VSTM2B: variants seen among roughly 807,000 people sequenced by gnomAD.
VSTM2B encodes the protein V-set and transmembrane domain-containing protein 2B.
VSTM2B carries 24 observed loss-of-function variants against 24.0 expected under a neutral mutation model. That is an observed-to-expected ratio of 1.00 (90% confidence interval 0.72 to 1.40). The LOEUF (loss-of-function observed/expected upper bound fraction) is 1.40. Ranked by LOEUF, VSTM2B falls within the 40% of genes most tolerant of loss-of-function variation. VSTM2B has a pLI of 0.00. For missense variants in VSTM2B, 399 were observed against 416.4 expected, an observed-to-expected ratio of 0.96 and a Z score of 0.36; for synonymous variants, 226 against 194.4, an observed-to-expected ratio of 1.16 and a Z score of -1.35.
intron 4 of VSTM2B, among the ~76,000 whole-genome samples, chr19:29,544,850 A>T (rs542251398): frequency 9.9e-5 from 15 of 152,190 alleles, no homozygotes; most frequent in Non-Finnish European, 2.1e-4. Context: ...ACCAGCTGGG[A>T]TGTCTAAGAA....
intron 4 of VSTM2B, among the ~76,000 whole-genome samples, chr19:29,561,658 A>G (rs1970529066): frequency 1.3e-5 from 2 of 152,056 alleles, no homozygotes; most frequent in Non-Finnish European, 2.9e-5. Context: ...GAGCCAGGAG[A>G]TCTGTGAGGC....
At chr19:29,561,370 T>C (rs1970520906) in intron 4 of VSTM2B, among the ~76,000 whole-genome samples, 1 of 152,048 alleles carries the variant, frequency 6.6e-6, no homozygotes, top group Non-Finnish European at 1.5e-5. Context: ...ACACCTGTAA[T>C]CCCAGCACTT....
intron 4 of VSTM2B, among the ~76,000 whole-genome samples, chr19:29,548,794 A>G (rs1269422558): frequency 6.6e-6 from 1 of 152,204 alleles, no homozygotes. Context: ...ACACAACTGC[A>G]TGGGGACAAA....
rs1012976313 is a variant in VSTM2B, at chr19:29,526,230, T to C, written c.-354T>C. On this transcript the variant is annotated 5_prime_UTR_variant, in exon 1 of 5. An upstream start codon of the reference 5' UTR is lost. Coordinates refer to ENST00000335523, the MANE Select transcript of VSTM2B (RefSeq NM_001146339.2). The surrounding 1 kb of genome is among the most constrained non-coding windows in gnomAD (Gnocchi z 4.1). ...TGGCACGCACTCCCTCGGCCAGGGA[T>C]GGGTCCCGGCGCGGCCCAGCCCCTG... Among the ~76,000 whole-genome samples, 2 of 151,716 alleles carry C rather than the reference T, an allele frequency of 1.3e-5. No individual in the cohort carries two copies. The highest frequency in any genetic ancestry group is 2.9e-5 in the Non-Finnish European group (2 of 67,856).
intron 4 of VSTM2B, among the ~76,000 whole-genome samples, chr19:29,546,673 C>CG (rs1330010465): frequency 1.3e-5 from 2 of 150,602 alleles, no homozygotes; most frequent in Non-Finnish European, 3.0e-5. Context: ...CTGGGGAGCC[C>CG]CCACCCCCAC....
intron 4 of VSTM2B, 49 bp from the exon 5 acceptor site, chr19:29,563,797 G>T: frequency 2.6e-6 from 4 of 1,513,832 alleles, no homozygotes; most frequent in Non-Finnish European, 3.6e-6. Flanking sequence ...GAGCTCCTAG[G>T]TTCTTGAGAC....
At position 29,534,880 on chromosome 19, in the gene VSTM2B, T is replaced by C. The variant is rs934205812; in HGVS notation, c.769+4590T>C. Among the ~76,000 whole-genome samples the C allele has an allele frequency of 2.0e-4, 31 of 152,186 alleles. 1 individual carries two copies. The highest frequency in any genetic ancestry group is 7.2e-4 in the African/African-American group (30 of 41,456). ...AGTCAGAAAAAAAGTCCCTATTTTT[T>C]AAGTGAGCCACTTTGGTAATGCCAC... On this transcript the variant is annotated intron_variant, in intron 4 of 4. Transcript: ENST00000335523.
At chr19:29,562,799 AC>A (rs1020774218) in intron 4 of VSTM2B, among the ~76,000 whole-genome samples, 1 of 152,100 alleles carries the variant, frequency 6.6e-6, no homozygotes, top group Non-Finnish European at 1.5e-5. Context: ...GACCCTAAGG[AC>A]CGACGGGGAG....
At chr19:29,544,645 A>T (rs1048805948) in intron 4 of VSTM2B, among the ~76,000 whole-genome samples, 2 of 152,058 alleles carry the variant, frequency 1.3e-5, no homozygotes, top group Non-Finnish European at 2.9e-5. Context: ...TCATCTTGAG[A>T]AAAAGTTAGA....
intron 4 of VSTM2B, among the ~76,000 whole-genome samples, chr19:29,542,874 A>G (rs1169850733): frequency 1.3e-5 from 2 of 152,140 alleles, no homozygotes. Flanking sequence ...AGGCCATAGG[A>G]AAAAAGTCTC....
At chr19:29,553,288 T>C (rs926265012) in intron 4 of VSTM2B, among the ~76,000 whole-genome samples, 2 of 152,110 alleles carry the variant, frequency 1.3e-5, no homozygotes, top group Admixed American at 1.3e-4. Flanking sequence ...TGATGACACC[T>C]CCAGGTATGG....
chr19:29,539,713 A>T (rs1969980058), intron 4 of VSTM2B, among the ~76,000 whole-genome samples: 1 of 152,220 alleles, frequency 6.6e-6, no homozygotes, highest in Non-Finnish European at 1.5e-5. Context: ...CTGTGCCCAG[A>T]GATTGCTAAT....
intron 3 of VSTM2B, chr19:29,528,799 G>C: frequency 1.5e-6 from 1 of 650,282 alleles, no homozygotes; most frequent in Non-Finnish European, 1.9e-6. Flanking sequence ...CTAGCACCGG[G>C]AGCGCGCGGC....
Position 29,529,936 on chromosome 19 carries a change from G to A in VSTM2B, c.415G>A (p.Glu139Lys), listed in dbSNP as rs1338965160. 1 of 1,549,774 alleles carries A rather than the reference G, an allele frequency of 6.5e-7. No individual in the cohort carries two copies. The highest frequency in any genetic ancestry group is 8.7e-7 in the Non-Finnish European group (1 of 1,146,818). The change falls in exon 4 of 5, where the codon GAG (glutamate) becomes AAG (lysine). Residue 139 changes from glutamate (E) to lysine (K), a missense_variant. By Grantham distance (56) the Glu-to-Lys change is moderately conservative (BLOSUM62 1). Transcript: ENST00000335523. ...VSDYSDDDTQ[E>K]HKAQAMLRVL... ...GGACTACAGCGACGACGACACGCAG[G>A]AGCACAAGGCCCAGGCGATGCTGCG... is the stretch of plus-strand genomic sequence containing the variant.
chr19:29,534,894 T>A (rs562575004), intron 4 of VSTM2B, among the ~76,000 whole-genome samples: 1 of 152,260 alleles, frequency 6.6e-6, no homozygotes, highest in African/African-American at 2.4e-5. Flanking sequence ...TGAGCCACTT[T>A]GGTAATGCCA....
intron 4 of VSTM2B, among the ~76,000 whole-genome samples, chr19:29,549,232 A>G (rs1970216848): frequency 6.6e-6 from 1 of 152,114 alleles, no homozygotes; most frequent in Admixed American, 6.5e-5. Context: ...TGGTGCCTTT[A>G]CCTTGTCCCT....
intron 4 of VSTM2B, among the ~76,000 whole-genome samples, chr19:29,545,021 G>A (rs765310958): frequency 6.6e-6 from 1 of 152,170 alleles, no homozygotes; most frequent in Admixed American, 6.5e-5. Context: ...AACACACTAC[G>A]GCCATCCACA....
At chr19:29,531,054 C>T (rs548893396) in intron 4 of VSTM2B, among the ~76,000 whole-genome samples, 47 of 151,112 alleles carry the variant, frequency 3.1e-4, no homozygotes, top group Non-Finnish European at 4.7e-4. Flanking sequence ...GCTTGACTAC[C>T]CCCTGGTAGG....
At chr19:29,527,049 C>T in intron 1 of VSTM2B, 162 bp from the exon 2 acceptor site, 2 of 634,312 alleles carry the variant, frequency 3.2e-6, no homozygotes, top group South Asian at 2.2e-5. Flanking sequence ...GCCCTGCAGC[C>T]GCTTCCCCGA....
Sources: gnomAD v4.1 joint callset for allele counts (sites outside exome capture counted in the v4.1 genomes callset) on GRCh38, gnomAD v4.1.1 for gene constraint, Gnocchi (gnomAD v3.1) non-coding constraint, MANE v1.5 for transcripts, NCBI Gene and HGNC (gene_info 2026-07-23, HGNC 2026-07-21) for gene names.